RNF180: variants seen among roughly 807,000 people sequenced by gnomAD.
The protein encoded by RNF180 is E3 ubiquitin-protein ligase RNF180.
Under a neutral mutation model 59.2 loss-of-function variants are expected in RNF180, and 38 were observed. That is an observed-to-expected ratio of 0.64 (90% CI 0.50 to 0.84). RNF180 has a LOEUF of 0.84. RNF180 is among the 40% of genes least tolerant of loss of function. RNF180 has a pLI of 0.00. For synonymous variants in RNF180, 262 were observed against 240.3 expected (o/e 1.09, Z -0.84); for missense variants, 705 against 700.9 (o/e 1.01, Z -0.07).
At chr5:64,301,098 C>T (rs1202205085) in intron 5 of RNF180, among the ~76,000 whole-genome samples, 1 of 151,622 alleles carries the variant, frequency 6.6e-6, no homozygotes, top group Non-Finnish European at 1.5e-5. Context: ...CTGTAATATA[C>T]ACTGTAAAAC....
At chr5:64,366,798 G>A (rs1397974283) in intron 7 of RNF180, among the ~76,000 whole-genome samples, 2 of 151,446 alleles carry the variant, frequency 1.3e-5, no homozygotes, top group Non-Finnish European at 3.0e-5. Context: ...AAAACGAAAG[G>A]GATAGGAAAC....
In RNF180 at chr5:64,370,858, C is replaced by T. The variant is rs1746635796; in HGVS notation, c.*1044C>T. On this transcript the variant is annotated 3_prime_UTR_variant, in exon 8 of 8. Transcript: ENST00000389100. ...GTTATTCTGGTGGTCTTTGTGAAAC[C>T]TGGGACAAAGTTTTTATTATGAATT... The T allele has an allele frequency of 6.6e-6, 1 of 151,446 alleles. No homozygotes were observed. The highest frequency in any genetic ancestry group is 2.4e-5 in the African/African-American group (1 of 41,296). The allele number at this position is 151,446 out of a possible 1,614,324, so 9.4% of individuals were successfully genotyped here. A position where few individuals can be genotyped will look rare whatever the true frequency, so the allele number is the denominator to read the frequency against.
chr5:64,227,694 T>A (rs1349125713), intron 5 of RNF180, among the ~76,000 whole-genome samples: 1 of 152,254 alleles, frequency 6.6e-6, no homozygotes, highest in East Asian at 1.9e-4. Context: ...TTATTCTAAC[T>A]TAATTCTGCC....
intron 4 of RNF180, among the ~76,000 whole-genome samples, chr5:64,216,512 G>C (rs1219620255): frequency 6.6e-6 from 1 of 152,088 alleles, no homozygotes; most frequent in Admixed American, 6.6e-5. Context: ...ATTAATGATA[G>C]TTTTTTAAAA....
intron 5 of RNF180, among the ~76,000 whole-genome samples, chr5:64,278,594 AAG>A (rs887529801): frequency 6.6e-6 from 1 of 152,208 alleles, no homozygotes; most frequent in Non-Finnish European, 1.5e-5. Flanking sequence ...GAAATGTAGA[AAG>A]AGATAATAAT....
chr5:64,330,493 T>C, intron 7 of RNF180, 87 bp downstream of exon 7: 1 of 1,218,980 alleles, frequency 8.2e-7, no homozygotes, highest in Non-Finnish European at 1.1e-6. Flanking sequence ...CTCAGAAATA[T>C]TAGGGGAAAC....
intron 5 of RNF180, among the ~76,000 whole-genome samples, chr5:64,226,354 A>T (rs1194397843): frequency 6.6e-6 from 1 of 152,204 alleles, no homozygotes; most frequent in Non-Finnish European, 1.5e-5. Flanking sequence ...GTTGATCTAT[A>T]ACCTTACCCC....
intron 4 of RNF180, among the ~76,000 whole-genome samples, chr5:64,216,278 T>C (rs1428415995): frequency 1.3e-5 from 2 of 152,150 alleles, no homozygotes; most frequent in African/African-American, 4.8e-5. Flanking sequence ...TTTAAGTCTG[T>C]TTTGCTAATT....
rs530436553 is a variant in RNF180, at chr5:64,372,484, C to T, written c.*2670C>T. On this transcript the variant is annotated 3_prime_UTR_variant, in exon 8 of 8. Coordinates refer to ENST00000389100, the MANE Select transcript of RNF180 (RefSeq NM_001113561.2). ...AGCAGTGCTGCCATCAGTTTCACTT[C>T]TGCCTTGGAATCTTGCTCCTAAGTT... is the stretch of plus-strand genomic sequence containing the variant. The T allele has an allele frequency of 9.9e-5, 15 of 152,046 alleles. No individual in the cohort carries two copies. The highest frequency in any genetic ancestry group is 3.6e-4 in the African/African-American group (15 of 41,558). 9.4% of individuals were successfully genotyped at this position (152,046 alleles called of 1,614,324 possible).
chr5:64,197,827 G>T (rs1751534732), intron 1 of RNF180, among the ~76,000 whole-genome samples: 2 of 152,156 alleles, frequency 1.3e-5, no homozygotes, highest in South Asian at 4.1e-4. Flanking sequence ...TGGCAGTATT[G>T]TAAGTGATAA....
intron 5 of RNF180, among the ~76,000 whole-genome samples, chr5:64,248,520 G>A (rs938965821): frequency 2.0e-5 from 3 of 152,016 alleles, no homozygotes; most frequent in African/African-American, 4.8e-5. Context: ...TCATCATCAC[G>A]GTCATTAGAG....
intron 2 of RNF180, among the ~76,000 whole-genome samples, chr5:64,208,444 A>T (rs555375618): frequency 1.3e-5 from 2 of 152,130 alleles, no homozygotes; most frequent in East Asian, 3.9e-4. Context: ...GGTTGCCTCC[A>T]GTTTCATCAC....
At chr5:64,235,133 A>C (rs1212253257) in intron 5 of RNF180, among the ~76,000 whole-genome samples, 1 of 152,034 alleles carries the variant, frequency 6.6e-6, no homozygotes, top group Non-Finnish European at 1.5e-5. Flanking sequence ...AAAATAAAAA[A>C]ATTAGCTGGG....
At chr5:64,362,100 T>C (rs1313664171) in intron 7 of RNF180, among the ~76,000 whole-genome samples, 1 of 151,570 alleles carries the variant, frequency 6.6e-6, no homozygotes, top group Non-Finnish European at 1.5e-5. Context: ...ATTTTTTAAC[T>C]TTTAGGTTCA....
chr5:64,352,612 T>C (rs1037717983), intron 7 of RNF180, among the ~76,000 whole-genome samples: 5 of 151,688 alleles, frequency 3.3e-5, no homozygotes, highest in East Asian at 1.9e-4. Flanking sequence ...TCTTTGTTCT[T>C]ATTGGTTTCA....
At chr5:64,369,339 T>C (rs956361994) in intron 7 of RNF180, among the ~76,000 whole-genome samples, 3 of 151,766 alleles carry the variant, frequency 2.0e-5, no homozygotes, top group Admixed American at 6.6e-5. Flanking sequence ...AGGGATAGCA[T>C]TGGGAGACAT....
chr5:64,300,054 C>G (rs766599762), intron 5 of RNF180, among the ~76,000 whole-genome samples: 1 of 151,608 alleles, frequency 6.6e-6, no homozygotes, highest in Non-Finnish European at 1.5e-5. Context: ...TGCTTGTGTT[C>G]AGGTAACCCT....
chr5:64,251,616 A>G (rs1561218249), intron 5 of RNF180, among the ~76,000 whole-genome samples: 1 of 152,076 alleles, frequency 6.6e-6, no homozygotes, highest in Non-Finnish European at 1.5e-5. Flanking sequence ...TATTGTAGGC[A>G]TAGGATACTG....
At chr5:64,335,048 C>T (rs913552443) in intron 7 of RNF180, among the ~76,000 whole-genome samples, 1 of 152,110 alleles carries the variant, frequency 6.6e-6, no homozygotes, top group African/African-American at 2.4e-5. Context: ...TTAGATTTTA[C>T]TGATTTGATA....
Sources: allele counts gnomAD v4.1 joint callset (sites outside exome capture counted in the v4.1 genomes callset), GRCh38; gene constraint gnomAD v4.1.1; transcripts MANE v1.5; gene names NCBI Gene and HGNC (gene_info 2026-07-23, HGNC 2026-07-21).